Variants in OLA1 observed in about 807,000 individuals in gnomAD.
OLA1 encodes the protein Obg like ATPase 1, also known as obg-like ATPase 1.
OLA1 carries 14 observed loss-of-function variants against 48.4 expected under a neutral mutation model. That is an observed-to-expected ratio of 0.29 (90% CI 0.19 to 0.45). The LOEUF is 0.45. Ranked by LOEUF, OLA1 falls within the 20% of genes least tolerant of loss-of-function variation. The pLI is 1.00. For missense variants in OLA1, 325 were observed against 467.1 expected (o/e 0.70, Z 2.80); for synonymous variants, 127 against 150.4 (o/e 0.84, Z 1.14).
At position 174,140,524 on chromosome 2, in the gene OLA1, C is replaced by T. The variant is rs560971996; in HGVS notation, c.549+1301G>A. On this transcript the variant is annotated intron_variant, in intron 5 of 10. Coordinates refer to ENST00000284719, the MANE Select transcript of OLA1 (RefSeq NM_013341.5). ...GTGAGATTACAGGCGTGCACCACCA[C>T]GCCTGGCTAATTTTTGTATTTTTAG... Among the ~76,000 whole-genome samples the T allele has an allele frequency of 3.1e-4, 47 of 152,094 alleles. 1 individual carries two copies. The South Asian group carries it at 6.4e-3, about 21-fold the overall frequency.
intron 5 of OLA1, among the ~76,000 whole-genome samples, chr2:174,140,516 C>T (rs1281452416): frequency 1.3e-5 from 2 of 151,818 alleles, no homozygotes; most frequent in African/African-American, 4.8e-5. Context: ...TACAGGCGTG[C>T]ACCACCACGC....
At chr2:174,155,312 C>T (rs1462182696) in intron 4 of OLA1, among the ~76,000 whole-genome samples, 1 of 152,090 alleles carries the variant, frequency 6.6e-6, no homozygotes, top group East Asian at 1.9e-4. Flanking sequence ...GAAAGAACGC[C>T]TCAAGCAGTT....
intron 8 of OLA1, 25 bp downstream of exon 8, chr2:174,081,899 G>A (rs1285027231): frequency 6.2e-7 from 1 of 1,606,414 alleles, no homozygotes; most frequent in South Asian, 1.1e-5. Flanking sequence ...ATAATAAAGT[G>A]TAGGGAAAAT....
chr2:174,163,748 AT>A (rs1558984572), intron 4 of OLA1, among the ~76,000 whole-genome samples: 4 of 50,006 alleles, frequency 8.0e-5, no homozygotes, highest in Non-Finnish European at 1.5e-4. Flanking sequence ...ATATATATAT[AT>A]ATATATATAT....
Position 174,142,020 on chromosome 2 carries a change from A to C in OLA1, c.374-20T>G, listed in dbSNP as rs768292116. On this transcript the variant is annotated intron_variant, in intron 4 of 10. Coordinates refer to ENST00000284719, the MANE Select transcript of OLA1 (RefSeq NM_013341.5). ...AAGCACCTAAAATGAATTAAAGGGA[A>C]GCAATTCAATAAACAAATAATACAG... 11 of 1,606,582 alleles carry C rather than the reference A, an allele frequency of 6.8e-6. No homozygotes were observed. The African/African-American group carries it at 1.5e-4, about 21-fold the overall frequency.
At chr2:174,119,469 GCA>G (rs1212635978) in intron 7 of OLA1, among the ~76,000 whole-genome samples, 1 of 152,016 alleles carries the variant, frequency 6.6e-6, no homozygotes, top group Non-Finnish European at 1.5e-5. Context: ...GTATATATAT[GCA>G]CACATACAGA....
rs74511533 is a variant in OLA1, at chr2:174,111,207, T to C, written c.728+11973A>G. 7.9e-3 allele frequency among the ~76,000 whole-genome samples: 1,206 copies of C among 152,304 alleles called. 18 individuals carry two copies. The highest frequency in any genetic ancestry group is 0.027 in the African/African-American group (1,136 of 41,564). ...CAACTAACCAAACATTCTTGAGTCA[T>C]GCTTACACAAAATATTGCAATTATG... On this transcript the variant is annotated intron_variant, in intron 7 of 10. Coordinates refer to ENST00000284719, the MANE Select transcript of OLA1 (RefSeq NM_013341.5).
chr2:174,207,286 C>T (rs1688137593), intron 4 of OLA1, among the ~76,000 whole-genome samples: 1 of 152,104 alleles, frequency 6.6e-6, no homozygotes, highest in Admixed American at 6.6e-5. Flanking sequence ...TAACCAAACA[C>T]CCACAACAAA....
intron 5 of OLA1, among the ~76,000 whole-genome samples, chr2:174,131,693 G>A (rs4972430): frequency 0.12 from 17,508 of 152,090 alleles, 2,320 homozygotes; most frequent in East Asian, 0.72. Flanking sequence ...CATTTCTGTG[G>A]TGATTAATGA....
chr2:174,148,169 C>T (rs912086875), intron 4 of OLA1, among the ~76,000 whole-genome samples: 2 of 152,184 alleles, frequency 1.3e-5, no homozygotes, highest in African/African-American at 4.8e-5. Flanking sequence ...GGCAGATAAC[C>T]TGAGGTCAGG....
At chr2:174,097,782 G>A (rs928693561) in intron 7 of OLA1, among the ~76,000 whole-genome samples, 1 of 151,996 alleles carries the variant, frequency 6.6e-6, no homozygotes, top group Non-Finnish European at 1.5e-5. Flanking sequence ...AAATGTGGAT[G>A]CGTATGACAG....
At chr2:174,179,117 G>C (rs1687477730) in intron 4 of OLA1, among the ~76,000 whole-genome samples, 1 of 151,762 alleles carries the variant, frequency 6.6e-6, no homozygotes, top group Admixed American at 6.6e-5. Context: ...TAATGAATGA[G>C]CAGAAAATTA....
chr2:174,167,371 T>C (rs771643702), intron 4 of OLA1, among the ~76,000 whole-genome samples: 2 of 151,722 alleles, frequency 1.3e-5, no homozygotes, highest in Admixed American at 6.6e-5. Context: ...AGGTCAGGAG[T>C]TCAAGACCAG....
intron 4 of OLA1, among the ~76,000 whole-genome samples, chr2:174,222,626 G>A (rs901075046): frequency 1.3e-5 from 2 of 152,058 alleles, no homozygotes; most frequent in African/African-American, 4.8e-5. Context: ...AGATAACCCA[G>A]AAGCCTTTCT....
At chr2:174,242,489 G>A (rs1689026489) in intron 2 of OLA1, among the ~76,000 whole-genome samples, 1 of 152,160 alleles carries the variant, frequency 6.6e-6, no homozygotes, top group South Asian at 2.1e-4. Flanking sequence ...CCAGCATGAG[G>A]TTCGGGAACC....
At chr2:174,111,176 A>G (rs1215710268) in intron 7 of OLA1, among the ~76,000 whole-genome samples, 1 of 152,226 alleles carries the variant, frequency 6.6e-6, no homozygotes, top group Non-Finnish European at 1.5e-5. Context: ...ACCAAGGGCT[A>G]TAAGGCAACT....
chr2:174,220,554 G>A (rs1688477822), intron 4 of OLA1, among the ~76,000 whole-genome samples: 1 of 152,088 alleles, frequency 6.6e-6, no homozygotes, highest in South Asian at 2.1e-4. Context: ...GGTCACATCT[G>A]TTTTTACTTA....
chr2:174,224,739 G>A (rs1481432798), intron 3 of OLA1, among the ~76,000 whole-genome samples: 1 of 152,172 alleles, frequency 6.6e-6, no homozygotes, highest in Non-Finnish European at 1.5e-5. Context: ...CTCTGAACAT[G>A]GATGAGAAAG....
chr2:174,079,077 G>A lies in OLA1; in HGVS notation c.980C>T (p.Ala327Val). 1 of 1,591,542 alleles carries A rather than the reference G, an allele frequency of 6.3e-7. No homozygotes were observed. The highest frequency in any genetic ancestry group is 8.5e-7 in the Non-Finnish European group (1 of 1,170,948). The change falls in exon 10 of 11, where the codon GCT becomes GTT. Residue 327 changes from alanine to valine, a missense_variant. By Grantham distance (64) the Ala-to-Val change is moderately conservative. Transcript: ENST00000284719. ...GTGAATCTTTCCTGCAGCCTGAGGA[G>A]CCTTAGTCCCTTTCTTTGAAAAGAA... The part of the protein sequence containing the change: ...RAWTIRKGTK[A>V]PQAAGKIHTD...
Sources: gnomAD v4.1 joint callset for allele counts (sites outside exome capture counted in the v4.1 genomes callset) on GRCh38, gnomAD v4.1.1 for gene constraint, MANE v1.5 for transcripts, NCBI Gene and HGNC (gene_info 2026-07-23, HGNC 2026-07-21) for gene names.